Variants in WWOX observed in about 807,000 individuals in gnomAD.
WWOX encodes WW domain-containing oxidoreductase.
A neutral mutation model predicts 46.2 loss-of-function variants in WWOX; 69 were observed. That is an observed-to-expected ratio of 1.49 (90% confidence interval 1.23 to 1.82). The LOEUF is 1.82. Ranked by LOEUF, WWOX falls within the 40% of genes most tolerant of loss-of-function variation. The probability of loss-of-function intolerance (pLI) is 0.00; values close to 1 mark genes in which losing one functional copy is unlikely to be tolerated. For missense variants in WWOX, 919 were observed against 542.6 expected (o/e 1.69, Z -6.89); for synonymous variants, 359 against 202.6 (o/e 1.77, Z -6.56).
chr16:78,905,468 A>G (rs1033582185), intron 8 of WWOX, among the ~76,000 whole-genome samples: 1 of 152,148 alleles, frequency 6.6e-6, no homozygotes, highest in Non-Finnish European at 1.5e-5. Context: ...TGCAGACTCA[A>G]CCTCCTGGGT....
At chr16:78,573,497 T>C (rs75643973) in intron 8 of WWOX, among the ~76,000 whole-genome samples, 1,894 of 152,316 alleles carry the variant, frequency 0.012, 11 homozygotes, top group Non-Finnish European at 0.02. Flanking sequence ...CAGATGCATC[T>C]TCCTAAAACA....
At chr16:78,263,750 A>G (rs1013099977) in intron 5 of WWOX, among the ~76,000 whole-genome samples, 32 of 152,148 alleles carry the variant, frequency 2.1e-4, no homozygotes, top group African/African-American at 7.5e-4. Flanking sequence ...CTTCCCAGAG[A>G]TTTATCTGCC....
At chr16:78,864,557 C>G (rs1057315501) in intron 8 of WWOX, among the ~76,000 whole-genome samples, 1 of 152,126 alleles carries the variant, frequency 6.6e-6, no homozygotes, top group Non-Finnish European at 1.5e-5. Flanking sequence ...GCATGAGCCA[C>G]TGCACCCAGC....
At chr16:78,540,022 A>T (rs868352965) in intron 8 of WWOX, among the ~76,000 whole-genome samples, 121 of 126,672 alleles carry the variant, frequency 9.6e-4, no homozygotes, top group African/African-American at 2.1e-3. Context: ...TCTCTCTCTC[A>T]CACACACACA....
chr16:78,143,752 G>GTTTTTTTTTT (rs200125720), intron 4 of WWOX, among the ~76,000 whole-genome samples: 1 of 120,238 alleles, frequency 8.3e-6, no homozygotes, highest in African/African-American at 3.0e-5. Context: ...GAATTGGTAT[G>GTTTTTTTTTT]TTTTTTTTTT....
intron 8 of WWOX, among the ~76,000 whole-genome samples, chr16:79,160,395 C>T (rs1017068635): frequency 2.0e-5 from 3 of 152,112 alleles, no homozygotes; most frequent in Non-Finnish European, 4.4e-5. Flanking sequence ...CCTGCATTCC[C>T]CTAGACAAAT....
Position 78,918,267 on chromosome 16 carries a change from G to C in WWOX, c.1057-293341G>C, listed in dbSNP as rs566871883. On this transcript the variant is annotated intron_variant, in intron 8 of 8. Coordinates refer to ENST00000566780, the MANE Select transcript of WWOX (RefSeq NM_016373.4). ...CAAAATTTTAAAAAATAAAACATAAGAAAAAAATAAATGGATACATGATAT... is the reference window on the plus strand; with the variant it reads ...CAAAATTTTAAAAAATAAAACATAACAAAAAAATAAATGGATACATGATAT... 3.9e-5 allele frequency among the ~76,000 whole-genome samples: 6 copies of C among 152,070 alleles called. No individual in the cohort carries two copies. The South Asian group carries it at 1.2e-3, about 32-fold the overall frequency.
chr16:78,725,405 T>G (rs1053432260), intron 8 of WWOX, among the ~76,000 whole-genome samples: 1 of 135,404 alleles, frequency 7.4e-6, no homozygotes, highest in African/African-American at 2.9e-5. Context: ...TGGAGTGCAG[T>G]GGTGCAATCT....
chr16:78,847,656 G>C (rs1051824505), intron 8 of WWOX, among the ~76,000 whole-genome samples: 2 of 151,704 alleles, frequency 1.3e-5, no homozygotes, highest in Non-Finnish European at 2.9e-5. Context: ...ATTATTCTGA[G>C]CTTTCTTTGG....
At chr16:78,406,133 C>G (rs1180407057) in intron 6 of WWOX, among the ~76,000 whole-genome samples, 1 of 151,286 alleles carries the variant, frequency 6.6e-6, no homozygotes, top group South Asian at 2.1e-4. Flanking sequence ...GTCTTGCTTT[C>G]TCAAACTTAA....
intron 8 of WWOX, chr16:78,981,622 G>C (rs899141920): frequency 6.6e-6 from 1 of 152,128 alleles, no homozygotes; most frequent in African/African-American, 2.4e-5. Context: ...ATTTTTGTTA[G>C]AGATGGGGTG....
intron 8 of WWOX, among the ~76,000 whole-genome samples, chr16:79,080,160 T>G (rs1305917743): frequency 6.6e-6 from 1 of 152,054 alleles, no homozygotes; most frequent in African/African-American, 2.4e-5. Flanking sequence ...AGAGTGGGTG[T>G]GATGATGCAT....
At chr16:78,407,518 T>C (rs1416672539) in intron 6 of WWOX, among the ~76,000 whole-genome samples, 1 of 152,204 alleles carries the variant, frequency 6.6e-6, no homozygotes, top group African/African-American at 2.4e-5. Flanking sequence ...CTTACAAATC[T>C]TCTGTGTAAC....
chr16:79,028,705 A>G (rs1056226349), intron 8 of WWOX, among the ~76,000 whole-genome samples: 2 of 151,854 alleles, frequency 1.3e-5, no homozygotes, highest in African/African-American at 4.9e-5. Flanking sequence ...AAGCAAATTG[A>G]ATAAATTTAC....
At chr16:78,469,748 G>A (rs2084174896) in intron 8 of WWOX, among the ~76,000 whole-genome samples, 1 of 152,126 alleles carries the variant, frequency 6.6e-6, no homozygotes, top group African/African-American at 2.4e-5. Context: ...TTATAGAAAT[G>A]TTACCAGGCA....
rs576822998 is a variant in WWOX, at chr16:78,305,736, A to T, written c.517-81124A>T. Reference sequence around the variant, plus strand: ...GGGTACCACGCAGCCCACATTAAACAATTAGCCCTTGACAGTGGATAGTTC... The same window carrying T: ...GGGTACCACGCAGCCCACATTAAACTATTAGCCCTTGACAGTGGATAGTTC... On this transcript the variant is annotated intron_variant, in intron 5 of 8. Transcript: ENST00000566780. 9.8e-5 allele frequency among the ~76,000 whole-genome samples: 15 copies of T among 152,302 alleles called. No individual in the cohort carries two copies. In the South Asian group the frequency reaches 2.9e-3, roughly 29 times the overall value.
intron 8 of WWOX, among the ~76,000 whole-genome samples, chr16:78,502,369 T>A (rs2151476755): frequency 6.6e-6 from 1 of 152,314 alleles, no homozygotes; most frequent in South Asian, 2.1e-4. Context: ...TGGCAACCAC[T>A]AACCAATCTA....
At chr16:78,368,265 A>G (rs1183821060) in intron 5 of WWOX, among the ~76,000 whole-genome samples, 2 of 152,184 alleles carry the variant, frequency 1.3e-5, no homozygotes, top group African/African-American at 2.4e-5. Flanking sequence ...CTAAATTTAT[A>G]TGGAGGAGAA....
chr16:78,766,847 A>G (rs1308599967), intron 8 of WWOX, among the ~76,000 whole-genome samples: 5 of 152,192 alleles, frequency 3.3e-5, no homozygotes, highest in Non-Finnish European at 5.9e-5. Flanking sequence ...ATTCATAGTC[A>G]TTAAATATAT....
Sources: gnomAD v4.1 joint callset for allele counts (sites outside exome capture counted in the v4.1 genomes callset) on GRCh38, gnomAD v4.1.1 for gene constraint, MANE v1.5 for transcripts, NCBI Gene and HGNC (gene_info 2026-07-23, HGNC 2026-07-21) for gene names.